Variants in PIN4 observed in about 807,000 individuals in gnomAD.
PIN4 encodes the protein peptidylprolyl cis/trans isomerase, NIMA-interacting 4, also known as peptidyl-prolyl cis-trans isomerase NIMA-interacting 4.
PIN4 carries 3 observed loss-of-function variants against 8.3 expected under a neutral mutation model. The ratio of observed to expected loss-of-function variants is 0.36; its 90% CI spans 0.16 to 0.93. PIN4 has a LOEUF of 0.93. Ranked by LOEUF, PIN4 falls within the 40% of genes least tolerant of loss-of-function variation. The probability of loss-of-function intolerance (pLI) is 0.44; values close to 1 mark genes in which losing one functional copy is unlikely to be tolerated. For missense variants in PIN4, 75 were observed against 100.6 expected, an observed-to-expected ratio of 0.75 and a Z score of 1.09; for synonymous variants, 18 against 32.5, an observed-to-expected ratio of 0.55 and a Z score of 1.52.
rs199653159 is a variant in PIN4, at chrX:72,249,610, ATCC to A, written c.313-13094_313-13092del. Among the ~76,000 whole-genome samples, 494 of 112,150 alleles carry A rather than the reference ATCC, an allele frequency of 4.4e-3. 2 individuals are homozygous for A. The highest frequency in any genetic ancestry group is 0.015 in the African/African-American group (456 of 30,873). ...AGCCACAAAAAGAAATGAACTACTG[ATCC>A]TCAGGGCAGTAGGATGAACCTCAAG... On this transcript the variant is annotated intron_variant, in intron 3 of 3. Coordinates refer to the PIN4 transcript ENST00000423432.
At chrX:72,261,296 G>GAAAAAAAA (rs754002557) in intron 3 of PIN4, among the ~76,000 whole-genome samples, 1 of 46,018 alleles carries the variant, frequency 2.2e-5, no homozygotes, top group African/African-American at 7.9e-5. Flanking sequence ...CTCCGTCTCA[G>GAAAAAAAA]AAAAAAAAAA....
chrX:72,234,326 G>T (rs1332615137), intron 3 of PIN4, among the ~76,000 whole-genome samples: 1 of 111,809 alleles, frequency 8.9e-6, no homozygotes, highest in African/African-American at 3.3e-5. Context: ...GATTAACTTC[G>T]TCAAGTACTA....
intron 3 of PIN4, among the ~76,000 whole-genome samples, chrX:72,204,351 C>CAT (rs1482712928): frequency 8.9e-6 from 1 of 112,399 alleles, no homozygotes; most frequent in African/African-American, 3.2e-5. Flanking sequence ...GGCAGGCTTG[C>CAT]ATGGGAGAAT....
chrX:72,210,202 A>AAAATAAATAAAT (rs58086876), intron 3 of PIN4, among the ~76,000 whole-genome samples: 138 of 97,189 alleles, frequency 1.4e-3, no homozygotes, highest in Non-Finnish European at 2.2e-3. Flanking sequence ...TGTCTCTTAA[A>AAAATAAATAAAT]AAATAAATAA....
At chrX:72,252,242 G>C (rs2147616400) in intron 3 of PIN4, among the ~76,000 whole-genome samples, 1 of 110,878 alleles carries the variant, frequency 9.0e-6, no homozygotes, top group Admixed American at 9.6e-5. Flanking sequence ...TCAACCTCCT[G>C]GTCTCCAAGC....
At chrX:72,205,388 G>T in intron 3 of PIN4, 1 of 1,211,847 alleles carries the variant, frequency 8.3e-7, no homozygotes, top group Middle Eastern at 2.3e-4. Context: ...CCTTCTTCTG[G>T]ATAATCTTCA....
rs188909838 is a variant in PIN4 at position 72,238,769 on chromosome X, G to A, written c.313-23938G>A. 2.5e-4 allele frequency: 256 copies of A among 1,004,455 alleles called. 2 individuals carry two copies. In the African/African-American group the frequency reaches 4.0e-3, roughly 16 times the overall value. The allele number at this position is 1,004,455 out of a possible 1,213,427, so 82.8% of individuals were successfully genotyped here. On this transcript the variant is annotated intron_variant, in intron 3 of 3. Transcript: ENST00000423432. ...CCGCCTCAACAGTTCGGGTCCCCAG[G>A]AGGATCCGGGGGCCACCCCACCTCC...
chrX:72,247,096 G>A (rs2043069820), intron 3 of PIN4, among the ~76,000 whole-genome samples: 1 of 111,771 alleles, frequency 8.9e-6, no homozygotes, highest in Non-Finnish European at 1.9e-5. Context: ...CCTTGGGTGG[G>A]AATGATATAT....
intron 3 of PIN4, among the ~76,000 whole-genome samples, chrX:72,257,210 A>G (rs2043115459): frequency 9.0e-6 from 1 of 111,585 alleles, no homozygotes; most frequent in Non-Finnish European, 1.9e-5. Context: ...AATCCCAGCT[A>G]CTCTGGAGGC....
At chrX:72,208,555 G>T (rs1602437750) in intron 3 of PIN4, 1 of 1,210,013 alleles carries the variant, frequency 8.3e-7, no homozygotes, top group East Asian at 3.0e-5. Flanking sequence ...TCCCTGTTCT[G>T]CCAACTCCTC....
intron 3 of PIN4, among the ~76,000 whole-genome samples, chrX:72,262,300 C>T (rs143829531): frequency 0.073 from 8,138 of 111,787 alleles, 483 homozygotes; most frequent in East Asian, 0.47. Context: ...CATTCAGCGC[C>T]CCACCCCATG....
chrX:72,228,749 G>A (rs1359789637), intron 3 of PIN4, among the ~76,000 whole-genome samples: 2 of 108,174 alleles, frequency 1.8e-5, no homozygotes, highest in Non-Finnish European at 3.8e-5. Context: ...CTTTTTGCTT[G>A]TTTTTTTTTC....
chrX:72,250,424 C>T, intron 3 of PIN4, among the ~76,000 whole-genome samples: 1 of 110,933 alleles, frequency 9.0e-6, no homozygotes, highest in Non-Finnish European at 1.9e-5. Context: ...CAGTGAGACC[C>T]TATCTCAAAA....
At chrX:72,243,781 G>T (rs1030956299) in intron 3 of PIN4, among the ~76,000 whole-genome samples, 1 of 112,169 alleles carries the variant, frequency 8.9e-6, no homozygotes, top group African/African-American at 3.2e-5. Flanking sequence ...GCACTGAAGT[G>T]CCAGGCCTTG....
intron 3 of PIN4, chrX:72,239,013 TC>T: frequency 1.2e-6 from 1 of 832,942 alleles, no homozygotes; most frequent in Non-Finnish European, 1.7e-6. Flanking sequence ...TTTCGCTCAC[TC>T]CCGCCCCGCG....
chrX:72,205,015 C>T (rs1343048635), intron 3 of PIN4: 3 of 1,178,855 alleles, frequency 2.5e-6, no homozygotes, highest in Non-Finnish European at 3.4e-6. Flanking sequence ...GTTACATTCT[C>T]AATTGTTATT....
intron 3 of PIN4, chrX:72,239,137 G>C (rs947807253): frequency 2.6e-6 from 1 of 391,487 alleles, no homozygotes; most frequent in Non-Finnish European, 4.5e-6. Flanking sequence ...GACGGTGGGC[G>C]CCTGCGCCTA....
chrX:72,198,412 A>G (rs2042777336), downstream of PIN4: 1 of 559,876 alleles, frequency 1.8e-6, no homozygotes, highest in Non-Finnish European at 2.2e-6. Flanking sequence ...TATTATACCC[A>G]CTTATATAAT....
intron 3 of PIN4, among the ~76,000 whole-genome samples, chrX:72,216,001 T>C (rs1267657298): frequency 9.0e-6 from 1 of 110,933 alleles, no homozygotes; most frequent in Non-Finnish European, 1.9e-5. Flanking sequence ...TGATTCTATG[T>C]ACATTTCCCA....
Sources: gnomAD v4.1 joint callset for allele counts (sites outside exome capture counted in the v4.1 genomes callset) on GRCh38, gnomAD v4.1.1 for gene constraint, MANE v1.5 for transcripts, NCBI Gene and HGNC (gene_info 2026-07-23, HGNC 2026-07-21) for gene names.